Variants in SGCG observed in about 807,000 individuals in gnomAD.
The protein encoded by SGCG is gamma-sarcoglycan.
SGCG carries 26 observed loss-of-function variants against 29.3 expected under a neutral mutation model. The ratio of observed to expected loss-of-function variants is 0.89; its 90% CI spans 0.65 to 1.23. The LOEUF is 1.23. SGCG is among the 50% of genes most tolerant of loss of function. The pLI, the probability that SGCG is intolerant of heterozygous loss-of-function variation, is 0.00. For missense variants in SGCG, 353 were observed against 356.0 expected, an observed-to-expected ratio of 0.99 and a Z score of 0.07; for synonymous variants, 145 against 129.7, an observed-to-expected ratio of 1.12 and a Z score of -0.80.
intron 5 of SGCG, among the ~76,000 whole-genome samples, chr13:23,292,401 C>T (rs903946642): frequency 6.6e-6 from 1 of 152,244 alleles, no homozygotes; most frequent in Non-Finnish European, 1.5e-5. Flanking sequence ...TGAGCCACTG[C>T]GCCCACCGAC....
At position 23,229,028 on chromosome 13, in the gene SGCG, C is replaced by T. The variant is rs149015624; in HGVS notation, c.196-5583C>T. On this transcript the variant is annotated intron_variant, in intron 2 of 7. Coordinates refer to ENST00000218867, the MANE Select transcript of SGCG (RefSeq NM_000231.3). ...GGGACTACAGGCATGCGCCACCACA[C>T]CCAACTAATTTTTGTATTTTTAGTA... 2.3e-3 allele frequency among the ~76,000 whole-genome samples: 345 copies of T among 152,300 alleles called. 2 individuals carry two copies. Among genetic ancestry groups the T allele is most frequent in the Admixed American group, 0.016 (250 of 15,302 alleles).
At chr13:23,230,297 A>C (rs966748299) in intron 2 of SGCG, among the ~76,000 whole-genome samples, 3 of 152,238 alleles carry the variant, frequency 2.0e-5, no homozygotes, top group African/African-American at 7.2e-5. Flanking sequence ...TGAACCTTAG[A>C]ATAGTTTTCC....
chr13:23,210,567 T>A (rs1878156490), intron 2 of SGCG, among the ~76,000 whole-genome samples: 1 of 152,066 alleles, frequency 6.6e-6, no homozygotes, highest in African/African-American at 2.4e-5. Context: ...GGCGGGCGCC[T>A]GTAGTCCCAG....
the SGCG span, among the ~76,000 whole-genome samples, chr13:23,167,342 A>G: frequency 6.6e-6 from 1 of 152,184 alleles, no homozygotes. Context: ...AATCGTGGCT[A>G]TTGTTAACAG....
chr13:23,226,544 G>A (rs9580578), intron 2 of SGCG, among the ~76,000 whole-genome samples: 22,347 of 152,156 alleles, frequency 0.15, 1,979 homozygotes, highest in South Asian at 0.21. Flanking sequence ...TGACACTTGT[G>A]TTCAACACAA....
chr13:23,293,458 A>G (rs546076342), intron 5 of SGCG, among the ~76,000 whole-genome samples: 8 of 152,328 alleles, frequency 5.3e-5, no homozygotes, highest in Admixed American at 3.3e-4. Context: ...TTTAAATAAA[A>G]TTACTAAGGA....
chr13:23,233,207 G>T (rs1879176782), intron 2 of SGCG, among the ~76,000 whole-genome samples: 2 of 152,072 alleles, frequency 1.3e-5, no homozygotes, highest in African/African-American at 4.8e-5. Flanking sequence ...AATATGGTTT[G>T]TACACACAGT....
chr13:23,224,642 T>A, intron 2 of SGCG, among the ~76,000 whole-genome samples: 1 of 98,164 alleles, frequency 1.0e-5, no homozygotes, highest in African/African-American at 4.1e-5. Context: ...AACCCCAAAT[T>A]CCAACCCCAA....
chr13:23,278,179 C>T (rs1054754022), intron 4 of SGCG, among the ~76,000 whole-genome samples: 2 of 152,030 alleles, frequency 1.3e-5, no homozygotes, highest in Non-Finnish European at 2.9e-5. Flanking sequence ...CATGGTGGCT[C>T]ACACCTGTCA....
intron 5 of SGCG, among the ~76,000 whole-genome samples, chr13:23,281,341 GTAATAATAATAATAATAA>G (rs57723057): frequency 8.2e-5 from 12 of 146,624 alleles, no homozygotes; most frequent in Admixed American, 2.1e-4. Context: ...CCGTGTCTCA[GTAATAATAATAATAATAA>G]TAATAATAAT....
chr13:23,184,947 G>A (rs993023847), intron 1 of SGCG, among the ~76,000 whole-genome samples: 1 of 152,128 alleles, frequency 6.6e-6, no homozygotes, highest in South Asian at 2.1e-4. Context: ...GGGACTATGA[G>A]GATTACATAA....
the SGCG span, among the ~76,000 whole-genome samples, chr13:23,174,724 T>A: frequency 6.6e-6 from 1 of 152,220 alleles, no homozygotes; most frequent in Admixed American, 6.5e-5. Flanking sequence ...CATTTGGAAC[T>A]GGTAATAGAA....
intron 6 of SGCG, among the ~76,000 whole-genome samples, chr13:23,314,385 TATATATATA>T: frequency 1.2e-5 from 1 of 86,178 alleles, no homozygotes; most frequent in South Asian, 3.3e-4. Flanking sequence ...CTATAGGTTA[TATATATATA>T]TATATATATA....
chr13:23,234,856 C>T, intron 3 of SGCG, 144 bp downstream of exon 3: 3 of 638,394 alleles, frequency 4.7e-6, no homozygotes, highest in Non-Finnish European at 5.6e-6. Flanking sequence ...AAAAGCTTGA[C>T]TATTGCAGAA....
At chr13:23,288,141 A>T (rs1489987637) in intron 5 of SGCG, among the ~76,000 whole-genome samples, 1 of 152,150 alleles carries the variant, frequency 6.6e-6, no homozygotes, top group Non-Finnish European at 1.5e-5. Flanking sequence ...TTGGGTCCCT[A>T]TTTCAAGTGG....
At chr13:23,268,687 C>T (rs559068315) in intron 4 of SGCG, 2 of 152,374 alleles carry the variant, frequency 1.3e-5, no homozygotes, top group South Asian at 2.1e-4. Context: ...AAGGAGGTGC[C>T]CAGCATGCCT....
chr13:23,160,793 C>T, the SGCG span, among the ~76,000 whole-genome samples: 2 of 152,156 alleles, frequency 1.3e-5, no homozygotes, highest in Non-Finnish European at 2.9e-5. Context: ...ACTCCATCAC[C>T]ACCCGTGCCC....
At chr13:23,291,068 A>G (rs1186207461) in intron 5 of SGCG, among the ~76,000 whole-genome samples, 1 of 152,242 alleles carries the variant, frequency 6.6e-6, no homozygotes, top group Admixed American at 6.5e-5. Context: ...CCAGAAGGGA[A>G]GAATGGTGTT....
intron 1 of SGCG, among the ~76,000 whole-genome samples, chr13:23,191,024 T>C (rs1877226644): frequency 6.6e-6 from 1 of 152,208 alleles, no homozygotes; most frequent in African/African-American, 2.4e-5. Flanking sequence ...AAATATTTTC[T>C]GGATAACAGA....
Sources: allele counts gnomAD v4.1 joint callset (sites outside exome capture counted in the v4.1 genomes callset), GRCh38; gene constraint gnomAD v4.1.1; transcripts MANE v1.5; gene names NCBI Gene and HGNC (gene_info 2026-07-23, HGNC 2026-07-21).